Variants in LRRC4C observed in about 807,000 individuals in gnomAD.
LRRC4C encodes the protein leucine rich repeat containing 4C, also known as leucine-rich repeat-containing protein 4C.
Under a neutral mutation model 33.6 loss-of-function variants are expected in LRRC4C, and 5 were observed. That is an observed-to-expected ratio of 0.15 (90% CI 0.08 to 0.31). The LOEUF (loss-of-function observed/expected upper bound fraction) is 0.31. LRRC4C is among the 10% of genes least tolerant of loss of function. The probability of loss-of-function intolerance (pLI) is 1.00; values close to 1 mark genes in which losing one functional copy is unlikely to be tolerated. For missense variants in LRRC4C, 560 were observed against 796.7 expected (o/e 0.70, Z 3.58); for synonymous variants, 329 against 302.0 (o/e 1.09, Z -0.93).
At chr11:41,360,040 G>A (rs1952296820) in intron 1 of LRRC4C, among the ~76,000 whole-genome samples, 1 of 152,054 alleles carries the variant, frequency 6.6e-6, no homozygotes, top group Admixed American at 6.5e-5. Flanking sequence ...AAAATTAGCT[G>A]GGCACAGTGG....
At chr11:41,239,898 T>C (rs577069415) in intron 1 of LRRC4C, among the ~76,000 whole-genome samples, 3 of 152,358 alleles carry the variant, frequency 2.0e-5, no homozygotes, top group Admixed American at 6.5e-5. Flanking sequence ...ATTGCATTTA[T>C]TGGTGACTGC....
chr11:40,979,982 C>T (rs557115400), intron 1 of LRRC4C, among the ~76,000 whole-genome samples: 12 of 152,204 alleles, frequency 7.9e-5, no homozygotes, highest in African/African-American at 2.2e-4. Flanking sequence ...GAAATTTCTG[C>T]GACATTTAGG....
intron 2 of LRRC4C, among the ~76,000 whole-genome samples, chr11:40,918,628 T>C (rs924734288): frequency 2.0e-5 from 3 of 152,118 alleles, no homozygotes; most frequent in African/African-American, 7.2e-5. Context: ...TTTAGCTTTT[T>C]AAATAGGAAG....
rs183093128 is a variant in LRRC4C at position 40,706,307 on chromosome 11, T to C, written c.-406-58029A>G. On this transcript the variant is annotated intron_variant, in intron 2 of 6. Transcript: ENST00000528697. ...CCCATGCCTATGTCCTGAATGGTATTGCCTAGGTTTTCTTCTAGGGTTTTT... is the reference window on the plus strand; with the variant it reads ...CCCATGCCTATGTCCTGAATGGTATCGCCTAGGTTTTCTTCTAGGGTTTTT... Among the ~76,000 whole-genome samples, 27 of 152,328 alleles carry C rather than the reference T, an allele frequency of 1.8e-4. No homozygotes were observed. The East Asian group carries it at 4.6e-3, about 26-fold the overall frequency.
chr11:41,112,634 G>A (rs1275493873), intron 1 of LRRC4C, among the ~76,000 whole-genome samples: 1 of 151,986 alleles, frequency 6.6e-6, no homozygotes, highest in African/African-American at 2.4e-5. Context: ...GTACCCCACT[G>A]TCATTTTATA....
Position 40,419,950 on chromosome 11 carries a change from G to A in LRRC4C, c.-269-100229C>T, listed in dbSNP as rs933647736. Among the ~76,000 whole-genome samples, 5 of 152,330 alleles carry A rather than the reference G, an allele frequency of 3.3e-5. No individual in the cohort carries two copies. The East Asian group carries it at 9.6e-4, about 29-fold the overall frequency. ...TCTGATGAATCTACTCTTTGGGGAG[G>A]ATAGATAAGTGAAGGAGGTGAATTT... On this transcript the variant is annotated intron_variant, in intron 3 of 6. Coordinates refer to ENST00000528697, the MANE Select transcript of LRRC4C (RefSeq NM_001258419.2).
intron 1 of LRRC4C, among the ~76,000 whole-genome samples, chr11:41,168,018 G>A (rs561984912): frequency 6.6e-6 from 1 of 152,226 alleles, no homozygotes; most frequent in South Asian, 2.1e-4. Context: ...AGGGCAGCAT[G>A]GTTCTGTTAT....
At chr11:40,592,003 T>C (rs1372943234) in intron 3 of LRRC4C, among the ~76,000 whole-genome samples, 1 of 152,132 alleles carries the variant, frequency 6.6e-6, no homozygotes, top group African/African-American at 2.4e-5. Flanking sequence ...ACTTCTGGTT[T>C]GGAGCTGCCC....
At chr11:40,976,038 T>C (rs1460182671) in intron 1 of LRRC4C, among the ~76,000 whole-genome samples, 23 of 152,194 alleles carry the variant, frequency 1.5e-4, no homozygotes, top group Admixed American at 1.4e-3. Flanking sequence ...AAATGAACAC[T>C]GCATTCACTC....
chr11:40,484,839 T>A (rs1429448475), intron 3 of LRRC4C, among the ~76,000 whole-genome samples: 1 of 152,124 alleles, frequency 6.6e-6, no homozygotes, highest in Admixed American at 6.6e-5. Flanking sequence ...TCTGAAGACT[T>A]ACAGTCAATG....
intron 3 of LRRC4C, among the ~76,000 whole-genome samples, chr11:40,455,714 A>G (rs1464813084): frequency 2.0e-5 from 3 of 152,106 alleles, no homozygotes; most frequent in Admixed American, 6.6e-5. Context: ...AAAACCATGT[A>G]TGTGTCTCTG....
At chr11:41,384,067 A>G (rs1375237608) in intron 1 of LRRC4C, among the ~76,000 whole-genome samples, 1 of 151,946 alleles carries the variant, frequency 6.6e-6, no homozygotes, top group Non-Finnish European at 1.5e-5. Flanking sequence ...CAATTTTGGT[A>G]ATGAAAGATC....
chr11:40,986,428 T>A (rs1853000747), intron 1 of LRRC4C, among the ~76,000 whole-genome samples: 1 of 152,054 alleles, frequency 6.6e-6, no homozygotes, highest in Admixed American at 6.5e-5. Context: ...CGAGACCGCA[T>A]CTCCACTAAA....
At chr11:40,684,450 G>T (rs1944856418) in intron 2 of LRRC4C, among the ~76,000 whole-genome samples, 1 of 151,872 alleles carries the variant, frequency 6.6e-6, no homozygotes, top group African/African-American at 2.4e-5. Flanking sequence ...TGAGGTAAAT[G>T]CATAAAAGAT....
At chr11:40,988,725 T>C in intron 1 of LRRC4C, among the ~76,000 whole-genome samples, 2 of 144,568 alleles carry the variant, frequency 1.4e-5, no homozygotes, top group Non-Finnish European at 3.0e-5. Context: ...TTTTTTTTTT[T>C]TTTTTTTTTG....
rs1289453224 is a variant in LRRC4C, at chr11:41,341,156, G to GCCTCCC, written c.-496+118274_-496+118275insGGGAGG. Among the ~76,000 whole-genome samples, 165 of 152,194 alleles carry GCCTCCC rather than the reference G, an allele frequency of 1.1e-3. 2 individuals are homozygous for GCCTCCC. Among genetic ancestry groups the GCCTCCC allele is most frequent in the Non-Finnish European group, 3.1e-4 (21 of 68,008 alleles). On this transcript the variant is annotated intron_variant, in intron 1 of 6. Transcript: ENST00000528697. ...AGGCAATCTAGGTATGAAAGTAATA[G>GCCTCCC]TGTGTTAGGTGAGGATGTTACTTAA...
chr11:40,892,161 G>T (rs925315796), intron 2 of LRRC4C, among the ~76,000 whole-genome samples: 1 of 145,318 alleles, frequency 6.9e-6, no homozygotes, highest in Non-Finnish European at 1.5e-5. Context: ...AATAGAAAAA[G>T]AAAAAAGAAG....
At chr11:41,254,684 T>C (rs543327784) in intron 1 of LRRC4C, among the ~76,000 whole-genome samples, 2 of 151,968 alleles carry the variant, frequency 1.3e-5, no homozygotes, top group Non-Finnish European at 2.9e-5. Context: ...AATTTGGATG[T>C]GAGGTGGTTT....
intron 1 of LRRC4C, among the ~76,000 whole-genome samples, chr11:41,188,490 A>G (rs890285515): frequency 2.6e-5 from 4 of 152,032 alleles, no homozygotes; most frequent in Non-Finnish European, 4.4e-5. Context: ...CTTACTGGCT[A>G]TGTGATTCCA....
Sources: allele counts gnomAD v4.1 joint callset (sites outside exome capture counted in the v4.1 genomes callset), GRCh38; gene constraint gnomAD v4.1.1; transcripts MANE v1.5; gene names NCBI Gene and HGNC (gene_info 2026-07-23, HGNC 2026-07-21).